The following TOMM70 variants were observed in gnomAD, a reference collection of about 807,000 sequenced individuals.
TOMM70 encodes translocase of outer mitochondrial membrane 70.
In TOMM70, 13 loss-of-function variants were observed where a neutral mutation model predicts 73.6. The observed-to-expected ratio is 0.18, with a 90% confidence interval of 0.11 to 0.28. The LOEUF is 0.28. TOMM70 is among the 10% of genes least tolerant of loss of function. TOMM70 has a pLI of 1.00. For missense variants in TOMM70, 609 were observed against 747.5 expected (o/e 0.81, Z 2.16); for synonymous variants, 257 against 271.2 (o/e 0.95, Z 0.51).
At chr3:100,400,070 T>C (rs528224785) in intron 1 of TOMM70, among the ~76,000 whole-genome samples, 2 of 152,312 alleles carry the variant, frequency 1.3e-5, no homozygotes, top group Non-Finnish European at 2.9e-5. Context: ...TTTCACTCTT[T>C]AGAACCTGTG....
rs149786801 is a variant in TOMM70, at chr3:100,371,806, G to A, written c.1452+800C>T. 2.0e-3 allele frequency among the ~76,000 whole-genome samples: 310 copies of A among 152,284 alleles called. 4 individuals are homozygous for A. The highest frequency in any genetic ancestry group is 7.1e-3 in the African/African-American group (297 of 41,560). ...GAAACTGTTCCACCTCAGATCATCA[G>A]GCATGAGAATCTAATGCTGCTGCAG... is the stretch of plus-strand genomic sequence containing the variant. On this transcript the variant is annotated intron_variant, in intron 9 of 11. Transcript: ENST00000284320.
At chr3:100,395,601 G>A (rs962254723) in intron 1 of TOMM70, among the ~76,000 whole-genome samples, 18 of 151,162 alleles carry the variant, frequency 1.2e-4, no homozygotes, top group Non-Finnish European at 1.6e-4. Flanking sequence ...GCATTAACTG[G>A]TAGAACAAAA....
chr3:100,375,025 C>G lies in TOMM70; in HGVS notation c.1220G>C (p.Arg407Pro). 2 of 1,604,916 alleles carry G rather than the reference C, an allele frequency of 1.2e-6. No individual in the cohort carries two copies. The highest frequency in any genetic ancestry group is 1.7e-6 in the Non-Finnish European group (2 of 1,175,886). Reference sequence around the variant, plus strand: ...GTAAGAAAACAGACTTACCTGTCCTCGGTGGTGATAAACATCTGCATTCTG... The same window carrying G: ...GTAAGAAAACAGACTTACCTGTCCTGGGTGGTGATAAACATCTGCATTCTG... ...DPQNADVYHH[R>P]GQLKILLDQV... Residue 407 changes from arginine (R) to proline (P), a missense_variant, in exon 7 of 12, where the codon CGA becomes CCA. Coordinates refer to ENST00000284320, the MANE Select transcript of TOMM70 (RefSeq NM_014820.5).
At chr3:100,393,860 A>C (rs554407852) in intron 1 of TOMM70, among the ~76,000 whole-genome samples, 16 of 152,354 alleles carry the variant, frequency 1.1e-4, no homozygotes, top group Non-Finnish European at 2.1e-4. Context: ...AATGACTAAC[A>C]AAAGACAGGA....
At chr3:100,382,725 T>C (rs138256201) in intron 4 of TOMM70, among the ~76,000 whole-genome samples, 84 of 152,288 alleles carry the variant, frequency 5.5e-4, no homozygotes, top group African/African-American at 2.0e-3. Context: ...AGCTTAGAAA[T>C]GAAGCTATCA....
intron 4 of TOMM70, among the ~76,000 whole-genome samples, chr3:100,382,250 T>C (rs1706641574): frequency 1.3e-5 from 2 of 152,244 alleles, no homozygotes; most frequent in Admixed American, 1.3e-4. Flanking sequence ...TCATAATGTA[T>C]TTTGAATGCT....
intron 5 of TOMM70, among the ~76,000 whole-genome samples, chr3:100,379,006 CAAAT>C (rs145132790): frequency 0.23 from 34,108 of 148,730 alleles, 5,461 homozygotes; most frequent in East Asian, 0.65. Flanking sequence ...GACTCCGTCT[CAAAT>C]AAATAAATAA....
chr3:100,387,587 G>GAC (rs1486370742), intron 1 of TOMM70, among the ~76,000 whole-genome samples: 17 of 107,718 alleles, frequency 1.6e-4, no homozygotes, highest in Middle Eastern at 4.5e-3. Flanking sequence ...AAAAGACACA[G>GAC]ACACAGACAC....
chr3:100,372,844 C>T, intron 8 of TOMM70, 122 bp from the exon 9 acceptor site: 2 of 835,794 alleles, frequency 2.4e-6, no homozygotes, highest in Admixed American at 2.6e-5. Flanking sequence ...ACATAATCTG[C>T]AGCATCCAAA....
chr3:100,388,911 C>G (rs1458324514), intron 1 of TOMM70, among the ~76,000 whole-genome samples: 1 of 151,946 alleles, frequency 6.6e-6, no homozygotes, highest in Non-Finnish European at 1.5e-5. Context: ...GGAAACCTGA[C>G]AGAATGCCAT....
intron 1 of TOMM70, among the ~76,000 whole-genome samples, chr3:100,390,814 G>T (rs1706750814): frequency 1.3e-5 from 2 of 151,972 alleles, no homozygotes; most frequent in African/African-American, 4.8e-5. Context: ...GGGAAACAGA[G>T]GGAGACTGCA....
Position 100,384,481 on chromosome 3 carries a change from T to C in TOMM70, c.733A>G (p.Lys245Glu). 2 of 1,600,354 alleles carry C rather than the reference T, an allele frequency of 1.2e-6. No homozygotes were observed. The highest frequency in any genetic ancestry group is 2.2e-5 in the South Asian group (2 of 89,884). Residue 245 changes from lysine to glutamate, a missense_variant and splice_region_variant, in exon 4 of 12, where the codon AAG becomes GAG. Around this residue, in one of 2 missense-constraint regions of TOMM70, gnomAD observed 432 missense variants for 584.1 expected, o/e 0.74. Coordinates refer to ENST00000284320, the MANE Select transcript of TOMM70 (RefSeq NM_014820.5). Reference protein sequence around the residue: ...LGKEKAKEKYKNREPLMPSPQ... With the variant: ...LGKEKAKEKYENREPLMPSPQ... ...TTCCCCAAATCAGATCAATTTACCT[T>C]ATATTTTTCTTTGGCTTTCTCTTTT...
In TOMM70 at chr3:100,363,866, T is replaced by C. The variant is rs1289806014; in HGVS notation, c.*1698A>G. On this transcript the variant is annotated 3_prime_UTR_variant, in exon 12 of 12. Coordinates refer to ENST00000284320, the MANE Select transcript of TOMM70 (RefSeq NM_014820.5). ...AATTATATTAACTGCACCAACTAAT[T>C]AGTGACCTCCTCAATATTTTCCAAA... is the stretch of plus-strand genomic sequence containing the variant. The C allele has an allele frequency of 3.3e-5, 5 of 152,160 alleles. No homozygotes were observed. 9.4% of individuals were successfully genotyped at this position (152,160 alleles called of 1,614,324 possible).
chr3:100,390,695 G>A lies in TOMM70; in HGVS notation c.325-3717C>T, dbSNP rs565977118. 8.5e-5 allele frequency among the ~76,000 whole-genome samples: 13 copies of A among 152,234 alleles called. No individual in the cohort carries two copies. The South Asian group carries it at 2.1e-3, about 24-fold the overall frequency. ...TACAAAACAATTAGCCAGGTGTGGT[G>A]GCGAGCGCCTGTAATCCCAGCTACT... On this transcript the variant is annotated intron_variant, in intron 1 of 11. Coordinates refer to ENST00000284320, the MANE Select transcript of TOMM70 (RefSeq NM_014820.5).
In TOMM70 at chr3:100,365,742, T is replaced by A. The variant is rs565147033; in HGVS notation, c.1674-25A>T. ...TCTAAAAGAACAAAATTTTTAAGTC[T>A]CAGATTCAACAAGCACTTCACAATA... On this transcript the variant is annotated intron_variant, in intron 11 of 11. Transcript: ENST00000284320. 2.5e-6 allele frequency: 4 copies of A among 1,612,726 alleles called. No individual in the cohort carries two copies. The South Asian group carries it at 4.4e-5, about 18-fold the overall frequency.
chr3:100,373,700 C>G, intron 7 of TOMM70, 55 bp from the exon 8 acceptor site: 1 of 1,203,716 alleles, frequency 8.3e-7, no homozygotes, highest in South Asian at 1.3e-5. Flanking sequence ...TAAGTATGTT[C>G]AGTGTCTCAT....
intron 6 of TOMM70, chr3:100,377,310 C>T (rs1391737366): frequency 6.1e-6 from 1 of 162,628 alleles, no homozygotes; most frequent in Non-Finnish European, 1.4e-5. Flanking sequence ...ATTTTTAGAA[C>T]CTTTCTGAAT....
In TOMM70 at chr3:100,364,864, C is replaced by G. The variant is rs1392006480; in HGVS notation, c.*700G>C. The G allele has an allele frequency of 6.6e-6, 1 of 152,180 alleles. No individual in the cohort carries two copies. Among genetic ancestry groups the G allele is most frequent in the Non-Finnish European group, 1.5e-5 (1 of 68,044 alleles). 9.4% of individuals were successfully genotyped at this position (152,180 alleles called of 1,614,324 possible). A position where few individuals can be genotyped will look rare whatever the true frequency, so the allele number is the denominator to read the frequency against. On this transcript the variant is annotated 3_prime_UTR_variant, in exon 12 of 12. Transcript: ENST00000284320. ...CACTCCCCCATCAATACTCAGTCTT[C>G]CAACACATATATCAATTAGAATATT...
chr3:100,395,203 A>G (rs1157692203), intron 1 of TOMM70, among the ~76,000 whole-genome samples: 2 of 152,064 alleles, frequency 1.3e-5, no homozygotes, highest in Non-Finnish European at 2.9e-5. Context: ...CTCTGTCTCT[A>G]CTAAAAATAC....
Sources: gnomAD v4.1 joint callset for allele counts (sites outside exome capture counted in the v4.1 genomes callset) on GRCh38, gnomAD v4.1.1 for gene constraint, gnomAD v4.1.1 regional missense constraint, MANE v1.5 for transcripts, NCBI Gene and HGNC (gene_info 2026-07-23, HGNC 2026-07-21) for gene names.